The following TRIM69 variants were observed in gnomAD, a reference collection of about 807,000 sequenced individuals.
TRIM69 encodes E3 ubiquitin-protein ligase TRIM69.
TRIM69 carries 29 observed loss-of-function variants against 37.7 expected under a neutral mutation model. The observed-to-expected ratio is 0.77, with a 90% confidence interval of 0.57 to 1.05. The LOEUF is 1.05. TRIM69 is among the 50% of genes least tolerant of loss of function. TRIM69 has a pLI of 0.00. For synonymous variants in TRIM69, 209 were observed against 212.4 expected, an observed-to-expected ratio of 0.98 and a Z score of 0.14; for missense variants, 596 against 579.9, an observed-to-expected ratio of 1.03 and a Z score of -0.28.
At chr15:44,744,142 TCATG>T in intron 1 of TRIM69, among the ~76,000 whole-genome samples, 1 of 151,574 alleles carries the variant, frequency 6.6e-6, no homozygotes, top group Non-Finnish European at 1.5e-5. Flanking sequence ...AATGATGAGT[TCATG>T]TCCTTTTTAG....
intron 1 of TRIM69, among the ~76,000 whole-genome samples, chr15:44,741,215 T>A (rs1305316269): frequency 1.3e-5 from 2 of 152,218 alleles, no homozygotes; most frequent in Non-Finnish European, 2.9e-5. Flanking sequence ...CCTGAATGAC[T>A]ACTGGGTACC....
chr15:44,767,803 T>A lies in TRIM69; in HGVS notation c.*31T>A, dbSNP rs1227035558. The A allele has an allele frequency of 6.4e-7, 1 of 1,560,716 alleles. No individual in the cohort carries two copies. The highest frequency in any genetic ancestry group is 1.2e-5 in the South Asian group (1 of 84,734). ...CATAATATTATACAAATTCAGAGTG[T>A]TATTAAAGAGGTATTGAAATATTTT... On this transcript the variant is annotated 3_prime_UTR_variant, in exon 7 of 7. Transcript: ENST00000329464.
intron 1 of TRIM69, among the ~76,000 whole-genome samples, chr15:44,750,891 A>AT (rs2087509891): frequency 9.1e-6 from 1 of 110,250 alleles, no homozygotes; most frequent in South Asian, 3.0e-4. Context: ...CGCCTGGCTG[A>AT]TTTTTTATCT....
chr15:44,739,893 G>T (rs542030073), intron 1 of TRIM69, among the ~76,000 whole-genome samples: 25 of 151,050 alleles, frequency 1.7e-4, no homozygotes, highest in Non-Finnish European at 3.0e-4. Flanking sequence ...CTCCCAGCAC[G>T]CAGCTGGAGA....
chr15:44,744,294 T>C (rs183889826), intron 1 of TRIM69, among the ~76,000 whole-genome samples: 4 of 106,484 alleles, frequency 3.8e-5, no homozygotes, highest in Non-Finnish European at 7.1e-5. Context: ...CATCACACTC[T>C]GGGGACTGTT....
chr15:44,764,655 C>T (rs1426237469), intron 6 of TRIM69, among the ~76,000 whole-genome samples: 3 of 152,210 alleles, frequency 2.0e-5, no homozygotes, highest in African/African-American at 7.2e-5. Context: ...TAAAACTTTA[C>T]TTACAAAGTA....
chr15:44,736,682 G>A lies in TRIM69; in HGVS notation c.-23G>A, dbSNP rs747346053. 1.9e-6 allele frequency: 3 copies of A among 1,610,520 alleles called. No individual in the cohort carries two copies. The highest frequency in any genetic ancestry group is 2.7e-5 in the African/African-American group (2 of 74,276). On this transcript the variant is annotated 5_prime_UTR_variant, in exon 1 of 7. Transcript: ENST00000329464. ...AGCTCTGATTCAAGTGCCTGCCTCT[G>A]CCCCTTGGTGGGCTGAAGCTTCATG...
At chr15:44,760,753 A>G (rs957596194) in intron 6 of TRIM69, among the ~76,000 whole-genome samples, 5 of 152,026 alleles carry the variant, frequency 3.3e-5, no homozygotes, top group Non-Finnish European at 5.9e-5. Flanking sequence ...TCACTCCAAA[A>G]AGTTCCTACA....
chr15:44,744,315 G>T (rs113987058), intron 1 of TRIM69, among the ~76,000 whole-genome samples: 2 of 109,108 alleles, frequency 1.8e-5, no homozygotes, highest in Non-Finnish European at 3.6e-5. Context: ...GTGGGGTGGG[G>T]GGAGGGGGGA....
intron 1 of TRIM69, among the ~76,000 whole-genome samples, chr15:44,750,098 G>GT (rs1190559323): frequency 1.3e-5 from 2 of 152,162 alleles, no homozygotes; most frequent in African/African-American, 4.8e-5. Flanking sequence ...CTATTGAGTT[G>GT]TAAGAGTTCT....
At chr15:44,738,155 T>A (rs999010381) in intron 1 of TRIM69, among the ~76,000 whole-genome samples, 9 of 150,840 alleles carry the variant, frequency 6.0e-5, no homozygotes. Context: ...GCTTCCAGGG[T>A]TCAAGTGATT....
intron 1 of TRIM69, among the ~76,000 whole-genome samples, chr15:44,752,729 T>C (rs532833814): frequency 6.6e-6 from 1 of 152,320 alleles, no homozygotes; most frequent in Admixed American, 6.5e-5. Flanking sequence ...AACTGATTTT[T>C]TTCTAGCATA....
intron 1 of TRIM69, among the ~76,000 whole-genome samples, chr15:44,750,235 C>G (rs1208610919): frequency 6.6e-6 from 1 of 152,182 alleles, no homozygotes; most frequent in African/African-American, 2.4e-5. Flanking sequence ...ATGTCTTTAT[C>G]TGTCTTTAGG....
rs1297438444 is a variant in TRIM69 at position 44,755,075 on chromosome 15, G to A, written c.182G>A (p.Cys61Tyr). 6.2e-7 allele frequency: 1 copy of A among 1,614,210 alleles called. No homozygotes were observed. Among genetic ancestry groups the A allele is most frequent in the East Asian group, 2.2e-5 (1 of 44,890 alleles). ...PLMLSCGHNF[C>Y]EACIQDFWRL... ...ATGCTAAGCTGTGGCCACAACTTCTGTGAAGCCTGTATCCAAGACTTTTGG... is the reference window on the plus strand; with the variant it reads ...ATGCTAAGCTGTGGCCACAACTTCTATGAAGCCTGTATCCAAGACTTTTGG... Residue 61 changes from cysteine (C) to tyrosine (Y), a missense_variant, in exon 2 of 7, where the codon TGT becomes TAT. Coordinates refer to ENST00000329464, the MANE Select transcript of TRIM69 (RefSeq NM_182985.5).
intron 1 of TRIM69, 27 bp downstream of exon 1, chr15:44,736,737 T>TA: frequency 6.2e-7 from 1 of 1,607,824 alleles, no homozygotes; most frequent in South Asian, 1.1e-5. Flanking sequence ...TTTTTTAACT[T>TA]AGCAGGGCTT....
chr15:44,753,288 A>G (rs958705727), intron 1 of TRIM69: 3 of 151,900 alleles, frequency 2.0e-5, no homozygotes, highest in Non-Finnish European at 4.4e-5. Flanking sequence ...ATAATTCTTT[A>G]TTTTTAAAAA....
intron 1 of TRIM69, 61 bp from the exon 2 acceptor site, chr15:44,754,838 TC>T: frequency 2.4e-6 from 3 of 1,269,942 alleles, no homozygotes; most frequent in Non-Finnish European, 3.4e-6. Flanking sequence ...GGCGCCATCA[TC>T]CTGGAGTGTT....
intron 1 of TRIM69, among the ~76,000 whole-genome samples, chr15:44,746,822 T>A (rs1018890329): frequency 6.6e-6 from 1 of 152,076 alleles, no homozygotes; most frequent in Non-Finnish European, 1.5e-5. Context: ...CAATAACAAT[T>A]TAAGTGTTAG....
At position 44,736,627 on chromosome 15, in the gene TRIM69, TC is replaced by T. The variant is rs1264060005; in HGVS notation, c.-75del. On this transcript the variant is annotated 5_prime_UTR_variant, in exon 1 of 7. Coordinates refer to ENST00000329464, the MANE Select transcript of TRIM69 (RefSeq NM_182985.5). Reference sequence around the variant, plus strand: ...CCTTGAAAACTAAAAGGTCCCTGACTCCCAGTCTGCAGCCATCCTGGGCCTG... The same window carrying T: ...CCTTGAAAACTAAAAGGTCCCTGACTCCAGTCTGCAGCCATCCTGGGCCTG... The T allele has an allele frequency of 1.1e-5, 17 of 1,564,828 alleles. No individual in the cohort carries two copies. The highest frequency in any genetic ancestry group is 1.5e-5 in the Non-Finnish European group (17 of 1,151,570).
Sources: allele counts gnomAD v4.1 joint callset (sites outside exome capture counted in the v4.1 genomes callset), GRCh38; gene constraint gnomAD v4.1.1; transcripts MANE v1.5; gene names NCBI Gene and HGNC (gene_info 2026-07-23, HGNC 2026-07-21).